Variants in WNT7B observed in about 807,000 individuals in gnomAD.
WNT7B encodes the protein protein Wnt-7b.
WNT7B carries 19 observed loss-of-function variants against 38.2 expected under a neutral mutation model. The observed-to-expected ratio is 0.50, with a 90% CI of 0.35 to 0.73. WNT7B has a LOEUF of 0.73. Ranked by LOEUF, WNT7B falls within the 30% of genes least tolerant of loss-of-function variation. The pLI is 0.01. For missense variants in WNT7B, 423 were observed against 507.9 expected (o/e 0.83, Z 1.61); for synonymous variants, 243 against 209.3 (o/e 1.16, Z -1.39).
intron 3 of WNT7B, among the ~76,000 whole-genome samples, chr22:45,928,363 AG>A (rs1931161445): frequency 6.6e-6 from 1 of 152,156 alleles, no homozygotes; most frequent in African/African-American, 2.4e-5. Context: ...GCCTTCTCCA[AG>A]GGCTCAGACC....
chr22:45,933,023 G>A (rs1460498771), intron 2 of WNT7B, among the ~76,000 whole-genome samples: 1 of 152,240 alleles, frequency 6.6e-6, no homozygotes, highest in East Asian at 1.9e-4. Flanking sequence ...CTGTGTGCAT[G>A]CTCTGGGGCC....
At chr22:45,941,130 G>T (rs1189610065) in intron 2 of WNT7B, among the ~76,000 whole-genome samples, 1 of 152,230 alleles carries the variant, frequency 6.6e-6, no homozygotes, top group East Asian at 1.9e-4. Flanking sequence ...CCAGGTAGAG[G>T]AGGTGAAAAG....
chr22:45,963,551 TTAGAGAGGA>T (rs1374984240), intron 1 of WNT7B, among the ~76,000 whole-genome samples: 1 of 152,046 alleles, frequency 6.6e-6, no homozygotes, highest in East Asian at 1.9e-4. Flanking sequence ...CAGAGGCGGC[TTAGAGAGGA>T]GCAGCATCTT....
intron 2 of WNT7B, chr22:45,935,799 G>A: frequency 1.0e-6 from 1 of 984,442 alleles, no homozygotes; most frequent in African/African-American, 1.7e-5. Flanking sequence ...AAAGCAGGAA[G>A]GGATTTGCAA....
Position 45,931,337 on chromosome 22 carries a change from T to A in WNT7B, c.331A>T (p.Thr111Ser). The change falls in exon 3 of 4, where the codon ACC becomes TCC. Residue 111 changes from threonine to serine, a missense_variant. Thr to Ser is a moderately conservative substitution (Grantham distance 58, BLOSUM62 1). Transcript: ENST00000339464. Reference protein sequence around the residue: ...SREAAFTYAITAAGVAHAVTA... With the variant: ...SREAAFTYAISAAGVAHAVTA... ...ACGGCGTGCGCCACGCCAGCCGCGG[T>A]GATGGCGTACGTGAAGGCAGCCTCA... 6.3e-7 allele frequency: 1 copy of A among 1,595,188 alleles called. No individual in the cohort carries two copies. Among genetic ancestry groups the A allele is most frequent in the African/African-American group, 1.3e-5 (1 of 74,988 alleles).
chr22:45,928,107 G>A (rs928521989), intron 3 of WNT7B, among the ~76,000 whole-genome samples: 2 of 152,194 alleles, frequency 1.3e-5, no homozygotes, highest in African/African-American at 4.8e-5. Flanking sequence ...AGCTGAGAGA[G>A]AACAGGTGTC....
chr22:45,940,364 TC>T (rs919570427), intron 2 of WNT7B, among the ~76,000 whole-genome samples: 1 of 151,834 alleles, frequency 6.6e-6, no homozygotes, highest in African/African-American at 2.4e-5. Flanking sequence ...CTCAGCCCAC[TC>T]CACACCCACC....
At chr22:45,973,870 G>C (rs1932501028) in intron 1 of WNT7B, among the ~76,000 whole-genome samples, 1 of 146,106 alleles carries the variant, frequency 6.8e-6, no homozygotes, top group Non-Finnish European at 1.5e-5. Flanking sequence ...ACATGTGTGT[G>C]ATGGCTGCAC....
intron 3 of WNT7B, among the ~76,000 whole-genome samples, chr22:45,928,538 T>C (rs1037249768): frequency 1.3e-5 from 2 of 152,124 alleles, no homozygotes; most frequent in African/African-American, 4.8e-5. Context: ...AATTGGCCAC[T>C]GGCGGCATCA....
chr22:45,977,043 C>G lies in WNT7B; in HGVS notation c.-289G>C. 1.0e-6 allele frequency: 1 copy of G among 984,250 alleles called. No homozygotes were observed. The highest frequency in any genetic ancestry group is 1.2e-6 in the Non-Finnish European group (1 of 829,426). 61.0% of individuals were successfully genotyped at this position (984,250 alleles called of 1,614,324 possible). On this transcript the variant is annotated 5_prime_UTR_variant, in exon 1 of 4. Transcript: ENST00000339464. ...CCCCTGCAAGCGCGGGCCGGGGGCC[C>G]GGGCGCGGCTGGCGGGCGGGTGCAG...
chr22:45,942,868 TGTGC>T (rs1931686265), intron 2 of WNT7B, among the ~76,000 whole-genome samples: 1 of 151,834 alleles, frequency 6.6e-6, no homozygotes, highest in African/African-American at 2.4e-5. Flanking sequence ...TGTGTGTGTG[TGTGC>T]GTGTGTGCAT....
intron 1 of WNT7B, among the ~76,000 whole-genome samples, chr22:45,958,228 G>A (rs377077008): frequency 1.2e-4 from 19 of 152,330 alleles, no homozygotes; most frequent in African/African-American, 4.6e-4. Flanking sequence ...CCCTCACCTG[G>A]GCGACACCGT....
intron 2 of WNT7B, among the ~76,000 whole-genome samples, 186 bp from the exon 3 acceptor site, chr22:45,931,555 T>G (rs1931360844): frequency 1.3e-5 from 2 of 152,136 alleles, no homozygotes; most frequent in African/African-American, 2.4e-5. Flanking sequence ...CTCAGGGCTA[T>G]GGTAGGGGCA....
intron 2 of WNT7B, among the ~76,000 whole-genome samples, chr22:45,933,239 G>C (rs1931423763): frequency 6.6e-6 from 1 of 152,156 alleles, no homozygotes; most frequent in Non-Finnish European, 1.5e-5. Flanking sequence ...ATGGTGTCCA[G>C]CATCCCTCCC....
intron 2 of WNT7B, among the ~76,000 whole-genome samples, chr22:45,949,604 G>C (rs1251913101): frequency 6.6e-6 from 1 of 152,190 alleles, no homozygotes; most frequent in Admixed American, 6.5e-5. Context: ...ACCACTGCAC[G>C]GCACCGCTAG....
At chr22:45,949,265 A>C (rs549650542) in intron 2 of WNT7B, among the ~76,000 whole-genome samples, 4 of 152,178 alleles carry the variant, frequency 2.6e-5, no homozygotes, top group African/African-American at 9.6e-5. Flanking sequence ...GGCAGCAGGG[A>C]TCTTGCCAGC....
chr22:45,941,748 C>T (rs1215026377), intron 2 of WNT7B, among the ~76,000 whole-genome samples: 1 of 152,198 alleles, frequency 6.6e-6, no homozygotes, highest in East Asian at 1.9e-4. Flanking sequence ...CCTCCCGGGG[C>T]CAACTCCCCA....
At chr22:45,972,116 G>GGGGGGCCCCCCCCCCCCCC in intron 1 of WNT7B, 3 of 530,742 alleles carry the variant, frequency 5.7e-6, no homozygotes, top group Non-Finnish European at 3.3e-6. Flanking sequence ...CCCGGGGGGA[G>GGGGGGCCCCCCCCCCCCCC]CCCACCCGCC....
intron 1 of WNT7B, among the ~76,000 whole-genome samples, chr22:45,956,553 T>C (rs1947432177): frequency 2.6e-5 from 4 of 152,204 alleles, no homozygotes; most frequent in Non-Finnish European, 5.9e-5. Context: ...AGCCCTTCCC[T>C]GCAACCCAGC....
Sources: gnomAD v4.1 joint callset for allele counts (sites outside exome capture counted in the v4.1 genomes callset) on GRCh38, gnomAD v4.1.1 for gene constraint, MANE v1.5 for transcripts, NCBI Gene and HGNC (gene_info 2026-07-23, HGNC 2026-07-21) for gene names.